TSHZ1: variants seen among roughly 807,000 people sequenced by gnomAD.
The protein encoded by TSHZ1 is teashirt homolog 1.
TSHZ1 carries 12 observed loss-of-function variants against 67.1 expected under a neutral mutation model. That is an observed-to-expected ratio of 0.18 (90% confidence interval 0.11 to 0.29). TSHZ1 has a LOEUF of 0.29. TSHZ1 is among the 10% of genes least tolerant of loss of function. The probability of loss-of-function intolerance (pLI) is 1.00; values close to 1 mark genes in which losing one functional copy is unlikely to be tolerated. For missense variants in TSHZ1, 1,305 were observed against 1,413.9 expected, an observed-to-expected ratio of 0.92 and a Z score of 1.23; for synonymous variants, 632 against 622.4, an observed-to-expected ratio of 1.02 and a Z score of -0.23.
chr18:75,258,047 C>T (rs1225766588), intron 1 of TSHZ1, among the ~76,000 whole-genome samples: 5 of 152,132 alleles, frequency 3.3e-5, no homozygotes, highest in South Asian at 2.1e-4. Flanking sequence ...GAGGCGGCCT[C>T]GACCTGCTCC....
intron 1 of TSHZ1, among the ~76,000 whole-genome samples, chr18:75,250,306 G>A (rs1212171822): frequency 1.3e-5 from 2 of 152,112 alleles, no homozygotes; most frequent in African/African-American, 2.4e-5. Flanking sequence ...CACGCTCCAC[G>A]CCCACACCCT....
chr18:75,238,677 C>T (rs943391555), intron 1 of TSHZ1, among the ~76,000 whole-genome samples: 5 of 151,894 alleles, frequency 3.3e-5, no homozygotes, highest in Admixed American at 1.3e-4. Flanking sequence ...GGAGTGTCTT[C>T]TTAAGAAAAA....
chr18:75,285,325 G>A (rs1313166238), intron 1 of TSHZ1, 123 bp from the exon 2 acceptor site: 9 of 1,222,834 alleles, frequency 7.4e-6, no homozygotes, highest in African/African-American at 6.1e-5. Context: ...TAAACTTGGG[G>A]TAGCCTTGTG....
chr18:75,224,581 A>AT (rs1419287696), intron 1 of TSHZ1, among the ~76,000 whole-genome samples: 1 of 152,136 alleles, frequency 6.6e-6, no homozygotes, highest in Admixed American at 6.5e-5. Context: ...TTAATGTATG[A>AT]TCCCCCCCTC....
chr18:75,271,380 C>T (rs1429060434), intron 1 of TSHZ1, among the ~76,000 whole-genome samples: 1 of 152,184 alleles, frequency 6.6e-6, no homozygotes, highest in Non-Finnish European at 1.5e-5. Context: ...ACTGAAGCAC[C>T]TTCTTCCATC....
intron 1 of TSHZ1, among the ~76,000 whole-genome samples, chr18:75,265,263 G>A (rs537461024): frequency 5.9e-5 from 9 of 152,288 alleles, no homozygotes; most frequent in East Asian, 3.9e-4. Flanking sequence ...CCTTTGGCTC[G>A]TCATGTATGT....
At chr18:75,220,386 C>T (rs2043980331) in intron 1 of TSHZ1, among the ~76,000 whole-genome samples, 1 of 152,096 alleles carries the variant, frequency 6.6e-6, no homozygotes, top group South Asian at 2.1e-4. Context: ...AACAGTGTGG[C>T]TTACTGAGAA....
At chr18:75,264,929 T>C (rs1379875846) in intron 1 of TSHZ1, among the ~76,000 whole-genome samples, 2 of 152,242 alleles carry the variant, frequency 1.3e-5, no homozygotes, top group African/African-American at 2.4e-5. Context: ...AATTTCTACT[T>C]TCTGTTTCTT....
intron 1 of TSHZ1, among the ~76,000 whole-genome samples, chr18:75,252,008 C>T (rs935227926): frequency 6.6e-6 from 1 of 152,132 alleles, no homozygotes; most frequent in East Asian, 1.9e-4. Context: ...CCAGAAATTA[C>T]CAAAATTGAT....
At chr18:75,250,275 C>T (rs1459197724) in intron 1 of TSHZ1, among the ~76,000 whole-genome samples, 1 of 152,142 alleles carries the variant, frequency 6.6e-6, no homozygotes, top group Non-Finnish European at 1.5e-5. Flanking sequence ...TCCCCAGTCG[C>T]AAGGGTACTC....
At position 75,237,229 on chromosome 18, in the gene TSHZ1, AAG is replaced by A. The variant is rs148549259; in HGVS notation, c.40+25315_40+25316del. ...TGCTGTCATGTTCCATGTATGAAAT[AAG>A]AACAGTCAGGCCAGGTGCGGTAGCT... On this transcript the variant is annotated intron_variant, in intron 1 of 1. Coordinates refer to ENST00000580243, the MANE Select transcript of TSHZ1 (RefSeq NM_001308210.2). Among the ~76,000 whole-genome samples the A allele has an allele frequency of 3.4e-3, 519 of 152,328 alleles. 2 individuals carry two copies. The highest frequency in any genetic ancestry group is 0.012 in the African/African-American group (501 of 41,572).
At chr18:75,224,947 G>C (rs1244326430) in intron 1 of TSHZ1, among the ~76,000 whole-genome samples, 1 of 151,856 alleles carries the variant, frequency 6.6e-6, no homozygotes, top group Non-Finnish European at 1.5e-5. Flanking sequence ...TAGCACCCCT[G>C]AGTTGGAGGA....
rs558561516 is a variant in TSHZ1 at position 75,260,625 on chromosome 18, G to C, written c.41-24823G>C. ...ACTAGAGAGACACAGGCAGCTGCTG[G>C]CTGATCTTCAAAAAGGTGTGCAGAG... On this transcript the variant is annotated intron_variant, in intron 1 of 1. Transcript: ENST00000580243. Among the ~76,000 whole-genome samples, 374 of 152,332 alleles carry C rather than the reference G, an allele frequency of 2.5e-3. 1 individual carries two copies. The highest frequency in any genetic ancestry group is 4.6e-3 in the Non-Finnish European group (311 of 68,028).
At chr18:75,285,313 T>C (rs765344305) in intron 1 of TSHZ1, 135 bp from the exon 2 acceptor site, 10 of 1,119,046 alleles carry the variant, frequency 8.9e-6, no homozygotes, top group South Asian at 2.1e-5. Flanking sequence ...GGGGTAGATA[T>C]GTAAACTTGG....
chr18:75,218,745 T>C (rs549757665), intron 1 of TSHZ1, among the ~76,000 whole-genome samples: 1 of 152,290 alleles, frequency 6.6e-6, no homozygotes, highest in East Asian at 1.9e-4. Flanking sequence ...AAGTAAATGG[T>C]AAATTACTCC....
rs1169897017 is a variant in TSHZ1, at chr18:75,211,398, C to G, written c.-479C>G. 6.6e-6 allele frequency: 1 copy of G among 151,682 alleles called. No individual in the cohort carries two copies. The highest frequency in any genetic ancestry group is 1.5e-5 in the Non-Finnish European group (1 of 67,884). 9.4% of individuals were successfully genotyped at this position (151,682 alleles called of 1,614,324 possible). On this transcript the variant is annotated 5_prime_UTR_variant, in exon 1 of 2. Coordinates refer to ENST00000580243, the MANE Select transcript of TSHZ1 (RefSeq NM_001308210.2). Reference sequence around the variant, plus strand: ...AACACTCGCCGCGACCCCCAAACAGCGAGGAGAGAGGGGGAGAGAAAGTTG... The same window carrying G: ...AACACTCGCCGCGACCCCCAAACAGGGAGGAGAGAGGGGGAGAGAAAGTTG...
At chr18:75,212,028 AG>A in intron 1 of TSHZ1, 112 bp downstream of exon 1, 2 of 815,520 alleles carry the variant, frequency 2.5e-6, no homozygotes, top group South Asian at 5.9e-5. Context: ...CAAGCTGGGG[AG>A]GGGAGGCCCA....
chr18:75,281,425 G>A lies in TSHZ1; in HGVS notation c.41-4023G>A, dbSNP rs76319737. On this transcript the variant is annotated intron_variant, in intron 1 of 1. Transcript: ENST00000580243. This position sits in a 1 kb window ranked among gnomAD's most constrained non-coding sequence, Gnocchi z 5.3. ...CATTTTGTTTGCACACAACGTAGGT[G>A]TGATGTGGAGCACCCGTGTCACATT... Among the ~76,000 whole-genome samples, 738 of 152,326 alleles carry A rather than the reference G, an allele frequency of 4.8e-3. 6 individuals carry two copies. Among genetic ancestry groups the A allele is most frequent in the African/African-American group, 0.017 (706 of 41,584 alleles).
chr18:75,227,815 C>A (rs1027337490), intron 1 of TSHZ1, among the ~76,000 whole-genome samples: 1 of 152,192 alleles, frequency 6.6e-6, no homozygotes. Flanking sequence ...CTAGGCGGAG[C>A]TAGCCCTTTC....
Sources: gnomAD v4.1 joint callset for allele counts (sites outside exome capture counted in the v4.1 genomes callset) on GRCh38, gnomAD v4.1.1 for gene constraint, Gnocchi (gnomAD v3.1) non-coding constraint, MANE v1.5 for transcripts, NCBI Gene and HGNC (gene_info 2026-07-23, HGNC 2026-07-21) for gene names.